The following CHSY1 variants were observed in gnomAD, a reference collection of about 807,000 sequenced individuals.
CHSY1 encodes N-acetylgalactosaminyl-proteoglycan 3-beta-glucuronosyltransferase 1.
Under a neutral mutation model 59.8 loss-of-function variants are expected in CHSY1, and 13 were observed. That is an observed-to-expected ratio of 0.22 (90% CI 0.14 to 0.35). The LOEUF (loss-of-function observed/expected upper bound fraction) is 0.35. CHSY1 is among the 10% of genes least tolerant of loss of function. CHSY1 has a pLI of 1.00. For missense variants in CHSY1, 947 were observed against 1,030.6 expected, an observed-to-expected ratio of 0.92 and a Z score of 1.11; for synonymous variants, 459 against 401.2, an observed-to-expected ratio of 1.14 and a Z score of -1.72.
rs76860673 is a variant in CHSY1, at chr15:101,179,152, T to C, written c.817-172A>G. On this transcript the variant is annotated intron_variant, in intron 2 of 2. Transcript: ENST00000254190. ...CAATGTGGTTAGAAGAATTCACAGA[T>C]AGAAACTGCTTAAGGAAGTAAGGGT... Among the ~76,000 whole-genome samples, 898 of 152,322 alleles carry C rather than the reference T, an allele frequency of 5.9e-3. 10 individuals are homozygous for C. Among genetic ancestry groups the C allele is most frequent in the African/African-American group, 0.021 (856 of 41,558 alleles).
In CHSY1 at chr15:101,177,968, C is replaced by T; in HGVS notation, c.1829G>A (p.Arg610Lys). 1 of 1,614,194 alleles carries T rather than the reference C, an allele frequency of 6.2e-7. No individual in the cohort carries two copies. The highest frequency in any genetic ancestry group is 8.5e-7 in the Non-Finnish European group (1 of 1,180,034). ...QILPVSGEFS[R>K]ALALEVGSSQ... ...GGATCCTACTTCCAGGGCCAGGGCTCTTGAAAACTCTCCAGACACAGGCAA... is the reference window on the plus strand; with the variant it reads ...GGATCCTACTTCCAGGGCCAGGGCTTTTGAAAACTCTCCAGACACAGGCAA... Residue 610 changes from arginine (R) to lysine (K), a missense_variant, in exon 3 of 3, where the codon AGA becomes AAA. Around this residue, in one of 4 missense-constraint regions of CHSY1, gnomAD observed 602 missense variants for 676.9 expected, o/e 0.89. Transcript: ENST00000254190.
chr15:101,188,149 G>C, intron 2 of CHSY1: 1 of 985,442 alleles, frequency 1.0e-6, no homozygotes, highest in Non-Finnish European at 1.2e-6. Context: ...GCTACAGAGC[G>C]ACAACTTCCC....
At chr15:101,221,506 A>T (rs2038789053) in intron 2 of CHSY1, among the ~76,000 whole-genome samples, 1 of 152,174 alleles carries the variant, frequency 6.6e-6, no homozygotes, top group African/African-American at 2.4e-5. Flanking sequence ...ATATATAAAC[A>T]AAGTTTTAAA....
Position 101,251,473 on chromosome 15 carries a change from CCGCCGG to C in CHSY1, c.-23_-18del. On this transcript the variant is annotated 5_prime_UTR_variant, in exon 1 of 3. Coordinates refer to ENST00000254190, the MANE Select transcript of CHSY1 (RefSeq NM_014918.5). ...CGCGGCCATGCCCGCGCCGCTCCGC[CCGCCGG>C]GCCGCCGCCGCAGGCTCCGCGCGCC... is the stretch of plus-strand genomic sequence containing the variant. The C allele has an allele frequency of 1.1e-6, 1 of 911,500 alleles. No individual in the cohort carries two copies. The highest frequency in any genetic ancestry group is 1.3e-6 in the Non-Finnish European group (1 of 772,828). The allele number at this position is 911,500 out of a possible 1,614,324, so 56.5% of individuals were successfully genotyped here.
chr15:101,248,637 T>G (rs1309764115), intron 1 of CHSY1, among the ~76,000 whole-genome samples: 2 of 151,808 alleles, frequency 1.3e-5, no homozygotes, highest in Non-Finnish European at 2.9e-5. Context: ...AAAAAAATAA[T>G]AAATAAACAA....
At chr15:101,229,740 C>T (rs567528937) in intron 2 of CHSY1, among the ~76,000 whole-genome samples, 42 of 151,928 alleles carry the variant, frequency 2.8e-4, no homozygotes, top group African/African-American at 5.8e-4. Context: ...AACCCCATCC[C>T]TAATAAAAAT....
At chr15:101,233,035 C>G (rs1353245356) in intron 2 of CHSY1, among the ~76,000 whole-genome samples, 2 of 152,218 alleles carry the variant, frequency 1.3e-5, no homozygotes, top group East Asian at 3.8e-4. Flanking sequence ...GGCCTCCTCA[C>G]CAACCAGGTC....
chr15:101,217,404 C>T lies in CHSY1; in HGVS notation c.816+17678G>A, dbSNP rs565931662. On this transcript the variant is annotated intron_variant, in intron 2 of 2. Transcript: ENST00000254190. The stretch of plus-strand genomic sequence containing the variant: ...ACACATAGGTATTTCCATGTTCTGT[C>T]ATCTGAGGGGGCCAAGCAAGTGACA... Among the ~76,000 whole-genome samples the T allele has an allele frequency of 2.6e-5, 4 of 152,316 alleles. No individual in the cohort carries two copies. In the South Asian group the frequency reaches 8.3e-4, roughly 32 times the overall value.
chr15:101,181,274 A>G (rs72768548), intron 2 of CHSY1, among the ~76,000 whole-genome samples: 18,304 of 152,294 alleles, frequency 0.12, 1,415 homozygotes, highest in Middle Eastern at 0.2. Context: ...TAGCAGAGTC[A>G]TGACTGTCTG....
At chr15:101,243,349 G>A (rs1051320761) in intron 1 of CHSY1, among the ~76,000 whole-genome samples, 1 of 152,188 alleles carries the variant, frequency 6.6e-6, no homozygotes, top group Non-Finnish European at 1.5e-5. Flanking sequence ...ATCCTTAAAA[G>A]TATAAATATG....
At chr15:101,197,822 C>T (rs2038524569) in intron 2 of CHSY1, among the ~76,000 whole-genome samples, 1 of 152,132 alleles carries the variant, frequency 6.6e-6, no homozygotes, top group African/African-American at 2.4e-5. Context: ...GTCAATTAAA[C>T]TACATTGTGC....
chr15:101,221,299 G>C (rs115774315), intron 2 of CHSY1, among the ~76,000 whole-genome samples: 1,604 of 152,298 alleles, frequency 0.011, 26 homozygotes, highest in African/African-American at 0.036. Context: ...TTCAAGAACA[G>C]CCTGGCCAAC....
Position 101,247,315 on chromosome 15 carries a change from C to G in CHSY1, c.320+3822G>C, listed in dbSNP as rs556432429. On this transcript the variant is annotated intron_variant, in intron 1 of 2. Coordinates refer to ENST00000254190, the MANE Select transcript of CHSY1 (RefSeq NM_014918.5). The stretch of plus-strand genomic sequence containing the variant: ...TCATCAATGATATTCACACAACTGG[C>G]TCTTCATGATCAAATCTCAGCCCAA... Among the ~76,000 whole-genome samples, 18 of 152,294 alleles carry G rather than the reference C, an allele frequency of 1.2e-4. No homozygotes were observed. In the South Asian group the frequency reaches 3.7e-3, roughly 32 times the overall value.
intron 2 of CHSY1, among the ~76,000 whole-genome samples, chr15:101,200,284 C>T (rs1050896581): frequency 1.3e-5 from 2 of 152,152 alleles, no homozygotes; most frequent in Admixed American, 6.5e-5. Flanking sequence ...CGCAAAAATG[C>T]CATCTATCGA....
At chr15:101,232,156 CA>C (rs202199037) in intron 2 of CHSY1, among the ~76,000 whole-genome samples, 2 of 151,592 alleles carry the variant, frequency 1.3e-5, no homozygotes, top group African/African-American at 4.8e-5. Context: ...TTCTACTCGC[CA>C]AAAAAAACAC....
At chr15:101,233,220 A>C (rs947889415) in intron 2 of CHSY1, among the ~76,000 whole-genome samples, 1 of 152,200 alleles carries the variant, frequency 6.6e-6, no homozygotes, top group Non-Finnish European at 1.5e-5. Context: ...CCCCAGGATG[A>C]CACTTTCTAA....
intron 2 of CHSY1, among the ~76,000 whole-genome samples, chr15:101,199,552 G>A: frequency 6.6e-6 from 1 of 152,152 alleles, no homozygotes; most frequent in East Asian, 1.9e-4. Context: ...AGATGAAACA[G>A]TTCTGGAGAC....
At chr15:101,227,620 T>C (rs2038853855) in intron 2 of CHSY1, among the ~76,000 whole-genome samples, 1 of 152,194 alleles carries the variant, frequency 6.6e-6, no homozygotes, top group Admixed American at 6.5e-5. Context: ...GTGTGCATGT[T>C]CAGCAAAGAC....
At chr15:101,208,119 A>G (rs2141258733) in intron 2 of CHSY1, among the ~76,000 whole-genome samples, 1 of 152,376 alleles carries the variant, frequency 6.6e-6, no homozygotes, top group East Asian at 1.9e-4. Context: ...AAGGGAGAGA[A>G]GAGGAAGAAC....
Sources: allele counts gnomAD v4.1 joint callset (sites outside exome capture counted in the v4.1 genomes callset), GRCh38; gene constraint gnomAD v4.1.1; regional missense constraint gnomAD v4.1.1; transcripts MANE v1.5; gene names NCBI Gene and HGNC (gene_info 2026-07-23, HGNC 2026-07-21).